RNF157: variants seen among roughly 807,000 people sequenced by gnomAD.
RNF157 encodes ring finger protein 157.
A neutral mutation model predicts 88.3 loss-of-function variants in RNF157; 55 were observed. That is an observed-to-expected ratio of 0.62 (90% CI 0.50 to 0.78). The LOEUF (loss-of-function observed/expected upper bound fraction) is 0.78, where lower values mean the gene tolerates loss of function less well. Among genes scored for constraint, RNF157 ranks in the 30% least tolerant of loss-of-function variants. The pLI is 0.00. For missense variants in RNF157, 788 were observed against 860.8 expected (o/e 0.92, Z 1.06); for synonymous variants, 334 against 341.2 (o/e 0.98, Z 0.23).
In RNF157 at chr17:76,165,505, C is replaced by T. The variant is rs543090436; in HGVS notation, c.669G>A (p.Glu223=). 9 of 1,614,150 alleles carry T rather than the reference C, an allele frequency of 5.6e-6. No individual in the cohort carries two copies. The South Asian group carries it at 8.8e-5, about 16-fold the overall frequency. ...GAGGCCCTCTAAAGTCACTCACCTT[C>T]TCAAAAGTACCCAGCAGTACATGGC... The part of the protein sequence containing the change: ...GHCHVLLGTF[E]KHTDGTFCVK... The change falls in exon 7 of 19, where the codon GAG becomes GAA. Residue 223 remains glutamate (E), a synonymous_variant. Transcript: ENST00000269391.
Position 76,212,481 on chromosome 17 carries a change from TCC to T in RNF157, c.89-1_89del, listed in dbSNP as rs1259434359. The T allele has an allele frequency of 6.3e-7, 1 of 1,589,360 alleles. No individual in the cohort carries two copies. Among genetic ancestry groups the T allele is most frequent in the East Asian group, 2.2e-5 (1 of 44,696 alleles). ...TAATGAAGTGGCTGGCAAAATAGCT[TCC>T]TAGAGAGGAACAAACAAAAAAAATC... On this transcript the variant is annotated splice_acceptor_variant and coding_sequence_variant, in exon 2 of 19. Transcript: ENST00000269391. LOFTEE classifies it high-confidence loss of function.
rs780293331 is a variant in RNF157, at chr17:76,212,432, T to C, written c.139A>G (p.Thr47Ala). 5.0e-6 allele frequency: 8 copies of C among 1,613,728 alleles called. 1 individual carries two copies. In the Admixed American group the frequency reaches 5.0e-5, roughly 10 times the overall value. ...CCAAACAGGTAACCTTCAGGATGAG[T>C]TGAGTCAAACTTCTCTCCTCCCATA... ...FIMGGEKFDS[T>A]HPEGYLFGEN... Residue 47 changes from threonine to alanine, a missense_variant, in exon 2 of 19, where the codon ACT becomes GCT. By Grantham distance (58) the Thr-to-Ala change is moderately conservative. Transcript: ENST00000269391.
At chr17:76,232,720 A>G (rs2070214747) in intron 1 of RNF157, among the ~76,000 whole-genome samples, 1 of 152,216 alleles carries the variant, frequency 6.6e-6, no homozygotes, top group African/African-American at 2.4e-5. Context: ...AACACTTCAT[A>G]AAGATTCCAA....
chr17:76,168,852 G>A (rs1042382804), intron 3 of RNF157, among the ~76,000 whole-genome samples: 1 of 152,208 alleles, frequency 6.6e-6, no homozygotes, highest in Non-Finnish European at 1.5e-5. Flanking sequence ...GCTGAGCAAA[G>A]TATTCTAGAT....
At chr17:76,158,647 C>A (rs1045008006) in intron 12 of RNF157, 146 bp from the exon 13 acceptor site, 4 of 613,310 alleles carry the variant, frequency 6.5e-6, no homozygotes, top group Middle Eastern at 4.3e-4. Flanking sequence ...CCAGGCTGGG[C>A]TGGGACTCCT....
At chr17:76,154,114 A>C (rs2068724192) in intron 17 of RNF157, 169 bp downstream of exon 17, 2 of 657,464 alleles carry the variant, frequency 3.0e-6, no homozygotes, top group African/African-American at 3.6e-5. Context: ...AGAGATCATC[A>C]ATGCTCTGCT....
At position 76,161,750 on chromosome 17, in the gene RNF157, T is replaced by G. The variant is rs2068848582; in HGVS notation, c.952+93A>C. The G allele has an allele frequency of 6.5e-6, 10 of 1,546,602 alleles. No individual in the cohort carries two copies. Among genetic ancestry groups the G allele is most frequent in the African/African-American group, 1.4e-5 (1 of 73,360 alleles). ...ATCCCTCCCAGCGCGCATCCGTTTG[T>G]CAGATCCAGCAGCAGCACATGCTTC... On this transcript the variant is annotated intron_variant, in intron 10 of 18. Coordinates refer to ENST00000269391, the MANE Select transcript of RNF157 (RefSeq NM_052916.3). The surrounding 1 kb of genome is among the most constrained non-coding windows in gnomAD (Gnocchi z 4.6).
chr17:76,215,949 T>C (rs552774927), intron 1 of RNF157, among the ~76,000 whole-genome samples: 1 of 152,186 alleles, frequency 6.6e-6, no homozygotes, highest in Non-Finnish European at 1.5e-5. Flanking sequence ...ATTTTCCAAG[T>C]GCATAATTTA....
intron 12 of RNF157, among the ~76,000 whole-genome samples, 181 bp from the exon 13 acceptor site, chr17:76,158,682 C>T (rs573231195): frequency 1.3e-5 from 2 of 152,276 alleles, no homozygotes; most frequent in South Asian, 4.1e-4. Context: ...CTCTTGTTGA[C>T]GCTTTAACAG....
Position 76,155,561 on chromosome 17 carries a change from C to A in RNF157, c.1698+1G>T, listed in dbSNP as rs773199842. 6.2e-7 allele frequency: 1 copy of A among 1,611,894 alleles called. No homozygotes were observed. The highest frequency in any genetic ancestry group is 8.5e-7 in the Non-Finnish European group (1 of 1,179,328). ...AGGGCGGTTCCCGTCCCTTCCCTTACCTCTCCTTCTTCTGAGGGGGCCCTG... is the reference window on the plus strand; with the variant it reads ...AGGGCGGTTCCCGTCCCTTCCCTTAACTCTCCTTCTTCTGAGGGGGCCCTG... On this transcript the variant is annotated splice_donor_variant, in intron 15 of 18. Transcript: ENST00000269391. LOFTEE classifies it high-confidence loss of function.
At chr17:76,168,428 A>ATTTTTTTTTTTTTTTTTTTTT (rs55760274) in intron 3 of RNF157, among the ~76,000 whole-genome samples, 1 of 141,810 alleles carries the variant, frequency 7.1e-6, no homozygotes, top group Non-Finnish European at 1.6e-5. Context: ...TGCTCATCCT[A>ATTTTTTTTTTTTTTTTTTTTT]TTTTTTTTTT....
chr17:76,229,795 C>T lies in RNF157; in HGVS notation c.88+10358G>A, dbSNP rs566340296. On this transcript the variant is annotated intron_variant, in intron 1 of 18. Transcript: ENST00000269391. The stretch of plus-strand genomic sequence containing the variant: ...GTGCTTCTGTTGCTCCTTGATGGAA[C>T]CTAAACTGCTTGTAATTTGTTTTTC... Among the ~76,000 whole-genome samples the T allele has an allele frequency of 2.0e-3, 304 of 152,102 alleles. 2 individuals are homozygous for T. Among genetic ancestry groups the T allele is most frequent in the African/African-American group, 7.0e-3 (290 of 41,464 alleles).
At chr17:76,164,829 G>T (rs187908189) in intron 7 of RNF157, 34 bp from the exon 8 acceptor site, 2 of 1,551,686 alleles carry the variant, frequency 1.3e-6, no homozygotes, top group Non-Finnish European at 1.8e-6. Context: ...TGACAAGGAA[G>T]GGAGGGTAAT....
In RNF157 at chr17:76,176,085, C is replaced by A. The variant is rs187105386; in HGVS notation, c.208-2295G>T. 3.3e-5 allele frequency among the ~76,000 whole-genome samples: 5 copies of A among 152,326 alleles called. No homozygotes were observed. The highest frequency in any genetic ancestry group is 9.6e-5 in the African/African-American group (4 of 41,570). ...GCTACCCACCAAAGTTTGTGCCTTG[C>A]TGGCCTTGCATTCATGCAATCAGAG... On this transcript the variant is annotated intron_variant, in intron 2 of 18. Coordinates refer to ENST00000269391, the MANE Select transcript of RNF157 (RefSeq NM_052916.3). This position sits in a 1 kb window ranked among gnomAD's most constrained non-coding sequence, Gnocchi z 4.2.
chr17:76,223,189 C>CT lies in RNF157; in HGVS notation c.89-10708dup, dbSNP rs753507516. Among the ~76,000 whole-genome samples, 383 of 134,850 alleles carry CT rather than the reference C, an allele frequency of 2.8e-3. 2 individuals carry two copies. The highest frequency in any genetic ancestry group is 4.7e-3 in the African/African-American group (173 of 36,712). 88.5% of individuals were successfully genotyped at this position (134,850 alleles called of 152,430 possible). ...ACAGGGGTGAGCCACCGCACCCGGC[C>CT]TTTTTTTTTTTTTTTTGAGACGTAG... On this transcript the variant is annotated intron_variant, in intron 1 of 18. Coordinates refer to ENST00000269391, the MANE Select transcript of RNF157 (RefSeq NM_052916.3).
intron 2 of RNF157, among the ~76,000 whole-genome samples, chr17:76,194,700 A>AAG (rs2069443648): frequency 6.6e-6 from 1 of 152,180 alleles, no homozygotes; most frequent in African/African-American, 2.4e-5. Flanking sequence ...GAGATTTAAA[A>AAG]AGAGAGAGAG....
rs572122053 is a variant in RNF157 at position 76,198,978 on chromosome 17, G to A, written c.207+13386C>T. Among the ~76,000 whole-genome samples, 17 of 152,286 alleles carry A rather than the reference G, an allele frequency of 1.1e-4. 1 individual carries two copies. The South Asian group carries it at 1.9e-3, about 17-fold the overall frequency. ...ATGGGCCCTCCTCCGACGTGTTCATGTTTCCTAGCTGTACAACTCCTTCAG... is the reference window on the plus strand; with the variant it reads ...ATGGGCCCTCCTCCGACGTGTTCATATTTCCTAGCTGTACAACTCCTTCAG... On this transcript the variant is annotated intron_variant, in intron 2 of 18. Transcript: ENST00000269391.
At chr17:76,201,379 T>C (rs1327196885) in intron 2 of RNF157, among the ~76,000 whole-genome samples, 1 of 150,424 alleles carries the variant, frequency 6.6e-6, no homozygotes, top group East Asian at 1.9e-4. Flanking sequence ...GTGCATGGTG[T>C]CATGTATCTG....
rs751409766 is a variant in RNF157 at position 76,155,640 on chromosome 17, G to A, written c.1620C>T (p.Ile540=). ...CTCCCTCCTCTTCAGTGCCAGGGGC[G>A]ATGTAGGAGCCAGACATGGAGGAGA... is the stretch of plus-strand genomic sequence containing the variant. ...DTVSSMSGSY[I]APGTEEEGEA... is the part of the protein sequence containing the mutation. Residue 540 remains isoleucine (I), a synonymous_variant, in exon 15 of 19, where the codon ATC becomes ATT. Coordinates refer to ENST00000269391, the MANE Select transcript of RNF157 (RefSeq NM_052916.3). 4 of 1,613,842 alleles carry A rather than the reference G, an allele frequency of 2.5e-6. No homozygotes were observed. Among genetic ancestry groups the A allele is most frequent in the African/African-American group, 1.3e-5 (1 of 74,920 alleles).
Sources: allele counts gnomAD v4.1 joint callset (sites outside exome capture counted in the v4.1 genomes callset), GRCh38; gene constraint gnomAD v4.1.1; non-coding constraint Gnocchi (gnomAD v3.1); transcripts MANE v1.5; gene names NCBI Gene and HGNC (gene_info 2026-07-23, HGNC 2026-07-21).